RFC3: variants seen among roughly 807,000 people sequenced by gnomAD.
RFC3 encodes A1 38 kDa subunit.
Under a neutral mutation model 45.1 loss-of-function variants are expected in RFC3, and 41 were observed. The observed-to-expected ratio is 0.91, with a 90% CI of 0.71 to 1.18. The LOEUF (loss-of-function observed/expected upper bound fraction) is 1.18. RFC3 is among the 50% of genes most tolerant of loss of function. The pLI, the probability that RFC3 is intolerant of heterozygous loss-of-function variation, is 0.00. For synonymous variants in RFC3, 149 were observed against 144.0 expected, an observed-to-expected ratio of 1.03 and a Z score of -0.25; for missense variants, 423 against 428.1, an observed-to-expected ratio of 0.99 and a Z score of 0.10.
At position 33,951,907 on chromosome 13, in the gene RFC3, G is replaced by A. The variant is rs117952772; in HGVS notation, c.880-14180G>A. Among the ~76,000 whole-genome samples, 959 of 152,240 alleles carry A rather than the reference G, an allele frequency of 6.3e-3. 9 individuals carry two copies. The highest frequency in any genetic ancestry group is 0.01 in the Non-Finnish European group (700 of 68,016). ...ATCTTATAGCTGAGGAATTTGATCC[G>A]GAGAGCTTAAATAACTATTCCAAGT... On this transcript the variant is annotated intron_variant, in intron 8 of 8. Transcript: ENST00000434425.
intron 8 of RFC3, among the ~76,000 whole-genome samples, chr13:33,923,451 TG>T: frequency 6.6e-6 from 1 of 152,090 alleles, no homozygotes; most frequent in Admixed American, 6.5e-5. Context: ...GGTGCATAGT[TG>T]GGGGTGAGGA....
intron 8 of RFC3, among the ~76,000 whole-genome samples, chr13:33,891,760 A>AAT (rs914691550): frequency 1.4e-4 from 21 of 152,302 alleles, no homozygotes; most frequent in African/African-American, 4.6e-4. Flanking sequence ...TACAATGTCA[A>AAT]ATATATATGT....
chr13:33,955,278 CA>C (rs1161285559), intron 8 of RFC3, among the ~76,000 whole-genome samples: 2 of 152,058 alleles, frequency 1.3e-5, no homozygotes, highest in Non-Finnish European at 2.9e-5. Flanking sequence ...GAAGCAGTTG[CA>C]AGAGATAAAT....
intron 8 of RFC3, among the ~76,000 whole-genome samples, chr13:33,919,651 A>G (rs1323810184): frequency 6.6e-6 from 1 of 152,040 alleles, no homozygotes; most frequent in African/African-American, 2.4e-5. Flanking sequence ...TGCTTGCTTT[A>G]AACTTTTGGT....
At chr13:33,823,177 A>C (rs1316854914) in intron 2 of RFC3, among the ~76,000 whole-genome samples, 3 of 152,098 alleles carry the variant, frequency 2.0e-5, no homozygotes, top group East Asian at 3.8e-4. Flanking sequence ...GAGTGTTGCC[A>C]GTGGAAAAGT....
chr13:33,959,864 G>A (rs2083045316), intron 8 of RFC3, among the ~76,000 whole-genome samples: 1 of 152,280 alleles, frequency 6.6e-6, no homozygotes, highest in Non-Finnish European at 1.5e-5. Context: ...TTGGCTCATG[G>A]TTCTGCAGGC....
At position 33,829,954 on chromosome 13, in the gene RFC3, A is replaced by C; in HGVS notation, c.510A>C (p.Lys170Asn). The C allele has an allele frequency of 6.2e-7, 1 of 1,614,202 alleles. No individual in the cohort carries two copies. The highest frequency in any genetic ancestry group is 8.5e-7 in the Non-Finnish European group (1 of 1,180,012). The change falls in exon 5 of 9, where the codon AAA (lysine) becomes AAC (asparagine). Residue 170 changes from lysine (K) to asparagine (N), a missense_variant. Coordinates refer to ENST00000380071, the MANE Select transcript of RFC3 (RefSeq NM_002915.4). ...RLILCCNSTS[K>N]VIPPIRSRCL... ...TCTTGTGCTGCAATTCTACATCTAA[A>C]GTGATCCCACCTATTCGTAGTAGGT...
At chr13:33,975,488 G>C in the RFC3 span, among the ~76,000 whole-genome samples, 9 of 152,144 alleles carry the variant, frequency 5.9e-5, no homozygotes, top group East Asian at 1.7e-3. Flanking sequence ...TAATGTATTT[G>C]TCAAAACCCA....
chr13:33,916,519 G>T (rs1319294961), intron 8 of RFC3, among the ~76,000 whole-genome samples: 1 of 152,014 alleles, frequency 6.6e-6, no homozygotes, highest in Non-Finnish European at 1.5e-5. Flanking sequence ...CAACCATCTG[G>T]GTTTCAACTA....
chr13:33,864,044 G>T (rs982478028), intron 8 of RFC3, among the ~76,000 whole-genome samples: 1 of 152,182 alleles, frequency 6.6e-6, no homozygotes, highest in African/African-American at 2.4e-5. Context: ...GTGGCTTCTG[G>T]TGAGGGTCTC....
intron 8 of RFC3, among the ~76,000 whole-genome samples, chr13:33,853,265 T>C (rs2082287913): frequency 6.6e-6 from 1 of 152,178 alleles, no homozygotes; most frequent in Non-Finnish European, 1.5e-5. Flanking sequence ...ATATCTTAAG[T>C]TCTAACCCTG....
At chr13:33,834,067 A>C (rs1451098315) in intron 7 of RFC3, among the ~76,000 whole-genome samples, 1 of 151,784 alleles carries the variant, frequency 6.6e-6, no homozygotes, top group East Asian at 1.9e-4. Context: ...TAGTTTTTTC[A>C]TCTGAAATAA....
intron 8 of RFC3, among the ~76,000 whole-genome samples, chr13:33,901,310 A>G (rs567991864): frequency 2.0e-5 from 3 of 152,170 alleles, no homozygotes; most frequent in South Asian, 4.1e-4. Flanking sequence ...CAATGGATGA[A>G]TGGATAAAAA....
chr13:33,959,812 A>G (rs1566043173), intron 8 of RFC3, among the ~76,000 whole-genome samples: 1 of 152,106 alleles, frequency 6.6e-6, no homozygotes, highest in Non-Finnish European at 1.5e-5. Flanking sequence ...TGCTATAGAG[A>G]AATTCCTGAG....
At position 33,829,851 on chromosome 13, in the gene RFC3, A is replaced by G; in HGVS notation, c.407A>G (p.Glu136Gly). Residue 136 changes from glutamate (E) to glycine (G), a missense_variant, in exon 5 of 9, where the codon GAA becomes GGA. Transcript: ENST00000380071. The stretch of plus-strand genomic sequence containing the variant: ...TTTGACTCAGTGGTATTATTGACAG[A>G]AGTTGACAAACTCACCAAAGATGCT... ...QRDFKVVLLT[E>G]VDKLTKDAQH... The G allele has an allele frequency of 6.2e-7, 1 of 1,614,044 alleles. No individual in the cohort carries two copies. The highest frequency in any genetic ancestry group is 8.5e-7 in the Non-Finnish European group (1 of 1,179,886).
chr13:33,932,936 T>C (rs2082861774), intron 8 of RFC3, among the ~76,000 whole-genome samples: 1 of 152,176 alleles, frequency 6.6e-6, no homozygotes, highest in Non-Finnish European at 1.5e-5. Flanking sequence ...GGACAATATG[T>C]CCATAATCTG....
chr13:33,832,942 C>A (rs1017583099), intron 7 of RFC3, among the ~76,000 whole-genome samples: 1 of 152,176 alleles, frequency 6.6e-6, no homozygotes, highest in African/African-American at 2.4e-5. Context: ...CTTAATTCTT[C>A]TAGCTGCTGT....
chr13:33,847,829 A>G (rs1250599806), intron 8 of RFC3: 1 of 152,174 alleles, frequency 6.6e-6, no homozygotes, highest in Non-Finnish European at 1.5e-5. Flanking sequence ...AATTGACCTC[A>G]GCAATATGTG....
chr13:33,873,128 C>T (rs1593655727), intron 8 of RFC3, among the ~76,000 whole-genome samples: 1 of 152,154 alleles, frequency 6.6e-6, no homozygotes, highest in South Asian at 2.1e-4. Flanking sequence ...AATCCAATGT[C>T]TCAGTGACCA....
Sources: gnomAD v4.1 joint callset for allele counts (sites outside exome capture counted in the v4.1 genomes callset) on GRCh38, gnomAD v4.1.1 for gene constraint, MANE v1.5 for transcripts, NCBI Gene and HGNC (gene_info 2026-07-23, HGNC 2026-07-21) for gene names.